The following BCL2 variants were observed in gnomAD, a reference collection of about 807,000 sequenced individuals.
The protein encoded by BCL2 is apoptosis regulator Bcl-2.
A neutral mutation model predicts 14.2 loss-of-function variants in BCL2; 1 was observed. The observed-to-expected ratio is 0.07, with a 90% CI of 0.02 to 0.33. The LOEUF (loss-of-function observed/expected upper bound fraction) is 0.33. BCL2 is among the 10% of genes least tolerant of loss of function. The pLI is 0.99. For missense variants in BCL2, 247 were observed against 305.9 expected, an observed-to-expected ratio of 0.81 and a Z score of 1.44; for synonymous variants, 151 against 137.2, an observed-to-expected ratio of 1.10 and a Z score of -0.70.
intron 2 of BCL2, among the ~76,000 whole-genome samples, chr18:63,210,930 C>T (rs1041985962): frequency 6.6e-6 from 1 of 152,120 alleles, no homozygotes; most frequent in Non-Finnish European, 1.5e-5. Flanking sequence ...CAGCCCTTTT[C>T]TTTATTTCAT....
chr18:63,195,485 G>C (rs954447652), intron 2 of BCL2, among the ~76,000 whole-genome samples: 3 of 152,152 alleles, frequency 2.0e-5, no homozygotes, highest in Non-Finnish European at 4.4e-5. Flanking sequence ...CACTTCAATA[G>C]CAATCACTTG....
At chr18:63,256,676 T>C (rs1344098682) in intron 2 of BCL2, among the ~76,000 whole-genome samples, 1 of 152,114 alleles carries the variant, frequency 6.6e-6, no homozygotes, top group Non-Finnish European at 1.5e-5. Flanking sequence ...TGGCTTAGAC[T>C]AGGGGCATGT....
chr18:63,173,902 C>T (rs1401195737), intron 2 of BCL2, among the ~76,000 whole-genome samples: 13 of 152,058 alleles, frequency 8.5e-5, no homozygotes, highest in Non-Finnish European at 2.9e-5. Context: ...TTGCAGTTTC[C>T]TTTTAAGTGA....
At chr18:63,165,549 T>C (rs933545002) in intron 2 of BCL2, among the ~76,000 whole-genome samples, 1 of 152,142 alleles carries the variant, frequency 6.6e-6, no homozygotes, top group Non-Finnish European at 1.5e-5. Flanking sequence ...TCCACACTCA[T>C]CAGGAATCCT....
chr18:63,250,982 G>A (rs1911293971), intron 2 of BCL2, among the ~76,000 whole-genome samples: 2 of 152,142 alleles, frequency 1.3e-5, no homozygotes, highest in South Asian at 4.1e-4. Context: ...AGGGGAGAGA[G>A]AAATGGCTTT....
intron 2 of BCL2, among the ~76,000 whole-genome samples, chr18:63,167,813 C>T (rs1599220507): frequency 6.6e-6 from 1 of 151,954 alleles, no homozygotes. Context: ...GTGGTCCCAC[C>T]TACTCAGGAG....
intron 2 of BCL2, among the ~76,000 whole-genome samples, chr18:63,200,981 TCAGCTC>T (rs1909673491): frequency 6.6e-6 from 1 of 152,152 alleles, no homozygotes; most frequent in African/African-American, 2.4e-5. Context: ...CGCTGCATCC[TCAGCTC>T]CAGCAGGCAC....
At chr18:63,302,098 C>T (rs762183448) in intron 2 of BCL2, among the ~76,000 whole-genome samples, 2 of 151,868 alleles carry the variant, frequency 1.3e-5, no homozygotes, top group Non-Finnish European at 2.9e-5. Flanking sequence ...GAGGCCGAGG[C>T]AGGTGGATCA....
intron 2 of BCL2, among the ~76,000 whole-genome samples, chr18:63,269,280 T>C (rs558262503): frequency 1.7e-3 from 254 of 152,268 alleles, no homozygotes; most frequent in African/African-American, 5.6e-3. Context: ...ATGTAAAGTA[T>C]GGACTTACAG....
At chr18:63,238,566 C>T (rs1357336063) in intron 2 of BCL2, among the ~76,000 whole-genome samples, 1 of 152,178 alleles carries the variant, frequency 6.6e-6, no homozygotes, top group Non-Finnish European at 1.5e-5. Context: ...GTTCTGTCCC[C>T]GTTTTAGAGG....
At chr18:63,158,979 A>T (rs1243761888) in intron 2 of BCL2, among the ~76,000 whole-genome samples, 1 of 152,176 alleles carries the variant, frequency 6.6e-6, no homozygotes, top group Non-Finnish European at 1.5e-5. Context: ...TGCCCTAGAG[A>T]GCTGCTGAAG....
At chr18:63,317,933 G>T (rs1913547314) in intron 2 of BCL2, 149 bp downstream of exon 2, 17 of 1,467,346 alleles carry the variant, frequency 1.2e-5, no homozygotes, top group Admixed American at 4.8e-5. Context: ...TTGTCCAGAG[G>T]AGGAGGTAGG....
intron 2 of BCL2, among the ~76,000 whole-genome samples, chr18:63,273,471 G>T (rs1256109631): frequency 6.6e-6 from 1 of 152,172 alleles, no homozygotes; most frequent in Non-Finnish European, 1.5e-5. Flanking sequence ...ACCAGCTGGG[G>T]TGGTGAAGGT....
chr18:63,216,194 A>G (rs1910197466), intron 2 of BCL2, among the ~76,000 whole-genome samples: 1 of 151,954 alleles, frequency 6.6e-6, no homozygotes, highest in Non-Finnish European at 1.5e-5. Context: ...CAAAAATTCT[A>G]TCTTGCTTTT....
chr18:63,141,664 C>T (rs1914365478), intron 2 of BCL2, among the ~76,000 whole-genome samples: 1 of 152,230 alleles, frequency 6.6e-6, no homozygotes, highest in Non-Finnish European at 1.5e-5. Context: ...GGGGATTCCA[C>T]AGGCAGACTG....
In BCL2 at chr18:63,230,916, T is replaced by C. The variant is rs1383042724; in HGVS notation, c.585+87166A>G. On this transcript the variant is annotated intron_variant, in intron 2 of 2. Transcript: ENST00000333681. ...ATGCAAAAAATCTGAAAAAAAAAAT[T>C]AGCAAAAATTCCAGCAGTATAGTGT... Among the ~76,000 whole-genome samples the C allele has an allele frequency of 2.6e-5, 4 of 151,900 alleles. No individual in the cohort carries two copies. The South Asian group carries it at 8.3e-4, about 32-fold the overall frequency.
intron 2 of BCL2, among the ~76,000 whole-genome samples, chr18:63,137,999 A>G (rs1914253741): frequency 6.6e-6 from 1 of 152,206 alleles, no homozygotes; most frequent in Admixed American, 6.5e-5. Context: ...ACTCATTGGC[A>G]ATACTATCTG....
chr18:63,266,955 T>C (rs898454891), intron 2 of BCL2, among the ~76,000 whole-genome samples: 3 of 152,206 alleles, frequency 2.0e-5, no homozygotes, highest in African/African-American at 7.2e-5. Flanking sequence ...CTCTGAAAAG[T>C]GCCCTCAAAG....
At chr18:63,293,546 A>C (rs940205919) in intron 2 of BCL2, among the ~76,000 whole-genome samples, 10 of 152,310 alleles carry the variant, frequency 6.6e-5, no homozygotes, top group Admixed American at 6.5e-4. Flanking sequence ...TGGGTTTTCA[A>C]ATGGGTACAT....
Sources: allele counts gnomAD v4.1 joint callset (sites outside exome capture counted in the v4.1 genomes callset), GRCh38; gene constraint gnomAD v4.1.1; transcripts MANE v1.5; gene names NCBI Gene and HGNC (gene_info 2026-07-23, HGNC 2026-07-21).